RECK: variants seen among roughly 807,000 people sequenced by gnomAD.
RECK encodes reversion inducing cysteine rich protein with kazal motifs.
RECK carries 69 observed loss-of-function variants against 115.1 expected under a neutral mutation model. The observed-to-expected ratio is 0.60, with a 90% CI of 0.49 to 0.73. The LOEUF is 0.73. Among genes scored for constraint, RECK ranks in the 30% least tolerant of loss-of-function variants. The pLI is 0.00. For missense variants in RECK, 1,047 were observed against 1,203.7 expected (o/e 0.87, Z 1.93); for synonymous variants, 414 against 419.7 (o/e 0.99, Z 0.17).
chr9:36,060,563 T>C (rs565548805), intron 4 of RECK, among the ~76,000 whole-genome samples: 1 of 152,340 alleles, frequency 6.6e-6, no homozygotes, highest in Admixed American at 6.5e-5. Flanking sequence ...TTCTCAGTAC[T>C]ACTCTCTTTG....
intron 2 of RECK, among the ~76,000 whole-genome samples, chr9:36,054,886 G>A (rs1485713865): frequency 6.6e-6 from 1 of 152,108 alleles, no homozygotes; most frequent in Non-Finnish European, 1.5e-5. Flanking sequence ...GAGTTGATTG[G>A]TGAAGAAATG....
chr9:36,104,326 ATTTTTTTTTTTTTTTTTTTTT>A (rs869033299), intron 12 of RECK, among the ~76,000 whole-genome samples: 2 of 27,514 alleles, frequency 7.3e-5, no homozygotes, highest in African/African-American at 2.1e-4. Flanking sequence ...ATATATATAT[ATTTTTTTTTTTTTTTTTTTTT>A]TTTTTTTTTT....
chr9:36,101,200 C>T (rs1434899914), intron 11 of RECK, among the ~76,000 whole-genome samples: 1 of 152,188 alleles, frequency 6.6e-6, no homozygotes, highest in African/African-American at 2.4e-5. Context: ...ATCCACCCGC[C>T]TCGGCCTCCC....
chr9:36,110,833 G>A (rs1167944535), intron 15 of RECK, among the ~76,000 whole-genome samples: 1 of 151,784 alleles, frequency 6.6e-6, no homozygotes, highest in East Asian at 1.9e-4. Flanking sequence ...GTGGAGGAGA[G>A]GAGAGTAAGG....
intron 2 of RECK, among the ~76,000 whole-genome samples, chr9:36,054,693 T>C (rs1343716583): frequency 6.6e-6 from 1 of 152,130 alleles, no homozygotes; most frequent in African/African-American, 2.4e-5. Context: ...ACTGCAGGCA[T>C]TAAAAATTTT....
At chr9:36,104,277 T>C (rs1344698365) in intron 12 of RECK, among the ~76,000 whole-genome samples, 271 of 16,030 alleles carry the variant, frequency 0.017, no homozygotes, top group African/African-American at 0.065. Context: ...ATACATAGCA[T>C]GTGTGTGTGT....
chr9:36,041,761 A>G (rs1197290431), intron 1 of RECK, among the ~76,000 whole-genome samples: 1 of 143,994 alleles, frequency 6.9e-6, no homozygotes, highest in African/African-American at 2.6e-5. Context: ...TCTCTCCCTC[A>G]ATCAGCTTCC....
At position 36,063,391 on chromosome 9, in the gene RECK, G is replaced by A. The variant is rs183113083; in HGVS notation, c.272-404G>A. ...TACTGTTTTGAATACAGTAATACTT[G>A]TGCCCTTTCTTGTTAGTCTGCTTAT... On this transcript the variant is annotated intron_variant, in intron 4 of 20. Coordinates refer to ENST00000377966, the MANE Select transcript of RECK (RefSeq NM_021111.3). 3.9e-5 allele frequency among the ~76,000 whole-genome samples: 6 copies of A among 152,240 alleles called. No individual in the cohort carries two copies. In the East Asian group the frequency reaches 5.8e-4, roughly 15 times the overall value.
At position 36,121,664 on chromosome 9, in the gene RECK, C is replaced by T. The variant is rs752225712; in HGVS notation, c.2670C>T (p.Val890=). The T allele has an allele frequency of 9.3e-6, 15 of 1,613,984 alleles. No homozygotes were observed. Among genetic ancestry groups the T allele is most frequent in the South Asian group, 6.6e-5 (6 of 91,072 alleles). ...AAATTGTGATCCTGATCATTCCCGTCGATCACTATCCAAAAGCTCTGCAGG... is the reference window on the plus strand; with the variant it reads ...AAATTGTGATCCTGATCATTCCCGTTGATCACTATCCAAAAGCTCTGCAGG... ...ESEIVILIIP[V]DHYPKALQIE... is the part of the protein sequence containing the mutation. Residue 890 remains valine (V), a synonymous_variant, in exon 20 of 21, where the codon GTC becomes GTT. Coordinates refer to ENST00000377966, the MANE Select transcript of RECK (RefSeq NM_021111.3).
chr9:36,038,774 G>A (rs2132540053), intron 1 of RECK, among the ~76,000 whole-genome samples: 1 of 151,810 alleles, frequency 6.6e-6, no homozygotes, highest in South Asian at 2.1e-4. Flanking sequence ...CACAATAAAG[G>A]GTCCAAGGAT....
At chr9:36,080,668 C>G (rs775383433) in intron 7 of RECK, 30 bp downstream of exon 7, 2 of 1,599,984 alleles carry the variant, frequency 1.3e-6, no homozygotes, top group South Asian at 2.2e-5. Flanking sequence ...GTTGTACAAA[C>G]AGTCCAAAGA....
Position 36,105,952 on chromosome 9 carries a change from G to T in RECK, c.1576+669G>T, listed in dbSNP as rs11792878. ...AAAAAGGCCAGGCGCAGTGGCTCAC[G>T]CCTGTAATCGCAGCACTTTGGGAGG... On this transcript the variant is annotated intron_variant, in intron 13 of 20. Coordinates refer to ENST00000377966, the MANE Select transcript of RECK (RefSeq NM_021111.3). 5.2e-3 allele frequency among the ~76,000 whole-genome samples: 794 copies of T among 152,218 alleles called. 2 individuals carry two copies. Among genetic ancestry groups the T allele is most frequent in the Non-Finnish European group, 9.4e-3 (641 of 68,018 alleles).
intron 2 of RECK, among the ~76,000 whole-genome samples, chr9:36,056,365 A>C (rs1821525732): frequency 6.6e-6 from 1 of 152,202 alleles, no homozygotes; most frequent in African/African-American, 2.4e-5. Flanking sequence ...TTCAAGTGAT[A>C]TATATGTATT....
intron 1 of RECK, among the ~76,000 whole-genome samples, chr9:36,051,145 G>T (rs1314513443): frequency 1.3e-5 from 2 of 152,068 alleles, no homozygotes; most frequent in Admixed American, 1.3e-4. Flanking sequence ...TTTTTAAGTT[G>T]ATAAATATCT....
intron 8 of RECK, among the ~76,000 whole-genome samples, chr9:36,083,839 A>C (rs572078517): frequency 6.6e-6 from 1 of 152,314 alleles, no homozygotes; most frequent in East Asian, 1.9e-4. Flanking sequence ...GGTAATGACC[A>C]TTAGGATTTC....
At chr9:36,085,095 A>G (rs1172711473) in intron 8 of RECK, 1 of 162,308 alleles carries the variant, frequency 6.2e-6, no homozygotes, top group Non-Finnish European at 1.4e-5. Context: ...GCAAAAAAAA[A>G]GTAAATCACA....
intron 16 of RECK, among the ~76,000 whole-genome samples, chr9:36,114,739 G>A (rs1365233629): frequency 6.6e-6 from 1 of 152,092 alleles, no homozygotes; most frequent in African/African-American, 2.4e-5. Context: ...CAGCTACTCG[G>A]GAGGCTGAGG....
chr9:36,112,734 T>C (rs1475801410), intron 16 of RECK, among the ~76,000 whole-genome samples: 1 of 152,064 alleles, frequency 6.6e-6, no homozygotes, highest in Non-Finnish European at 1.5e-5. Context: ...TAGCTGAATC[T>C]AGAAAGATGA....
chr9:36,059,594 C>A (rs1185523745), intron 3 of RECK, among the ~76,000 whole-genome samples: 9 of 151,944 alleles, frequency 5.9e-5, no homozygotes, highest in African/African-American at 1.9e-4. Context: ...AAATATATGA[C>A]TTATTATCTT....
Sources: gnomAD v4.1 joint callset for allele counts (sites outside exome capture counted in the v4.1 genomes callset) on GRCh38, gnomAD v4.1.1 for gene constraint, MANE v1.5 for transcripts, NCBI Gene and HGNC (gene_info 2026-07-23, HGNC 2026-07-21) for gene names.